The following CADM1 variants were observed in gnomAD, a reference collection of about 807,000 sequenced individuals.
CADM1 encodes cell adhesion molecule 1.
CADM1 carries 15 observed loss-of-function variants against 53.1 expected under a neutral mutation model. That is an observed-to-expected ratio of 0.28 (90% CI 0.19 to 0.44). The LOEUF is 0.44. Among genes scored for constraint, CADM1 ranks in the 20% least tolerant of loss-of-function variants. CADM1 has a pLI of 1.00. For synonymous variants in CADM1, 281 were observed against 243.0 expected, an observed-to-expected ratio of 1.16 and a Z score of -1.45; for missense variants, 434 against 611.3, an observed-to-expected ratio of 0.71 and a Z score of 3.06.
chr11:115,182,279 AT>A (rs1458703413), intron 10 of CADM1, among the ~76,000 whole-genome samples: 1 of 152,200 alleles, frequency 6.6e-6, no homozygotes, highest in Admixed American at 6.5e-5. Context: ...AACATGCCTG[AT>A]GCTCAGGCAT....
intron 1 of CADM1, among the ~76,000 whole-genome samples, chr11:115,316,369 C>T (rs915416681): frequency 6.6e-6 from 1 of 152,074 alleles, no homozygotes; most frequent in African/African-American, 2.4e-5. Context: ...CTGAACAAGG[C>T]TCTGTTCACC....
intron 1 of CADM1, among the ~76,000 whole-genome samples, chr11:115,373,225 G>A (rs1946352226): frequency 6.6e-6 from 1 of 152,168 alleles, no homozygotes; most frequent in Non-Finnish European, 1.5e-5. Flanking sequence ...TTTACTGTCA[G>A]ATGCACAGAC....
chr11:115,275,059 G>A (rs1943406855), intron 1 of CADM1, among the ~76,000 whole-genome samples: 1 of 152,296 alleles, frequency 6.6e-6, no homozygotes, highest in Non-Finnish European at 1.5e-5. Flanking sequence ...GAAAAAATGA[G>A]CATGGAAAAA....
chr11:115,349,154 C>T (rs1328481082), intron 1 of CADM1, among the ~76,000 whole-genome samples: 1 of 152,090 alleles, frequency 6.6e-6, no homozygotes, highest in Non-Finnish European at 1.5e-5. Context: ...TTTCTAAGTT[C>T]AATGTGAGTA....
intron 1 of CADM1, among the ~76,000 whole-genome samples, chr11:115,412,595 T>G (rs912922518): frequency 2.6e-5 from 4 of 152,184 alleles, no homozygotes; most frequent in African/African-American, 9.7e-5. Context: ...GAACTTAGTA[T>G]AAGACAAATT....
chr11:115,460,461 G>T (rs904051922), intron 1 of CADM1, among the ~76,000 whole-genome samples: 11 of 152,124 alleles, frequency 7.2e-5, no homozygotes, highest in Non-Finnish European at 1.3e-4. Flanking sequence ...GTAACCAAGG[G>T]CTATAGAAAT....
At chr11:115,392,214 T>C (rs1354703455) in intron 1 of CADM1, among the ~76,000 whole-genome samples, 1 of 152,168 alleles carries the variant, frequency 6.6e-6, no homozygotes, top group Non-Finnish European at 1.5e-5. Flanking sequence ...TAATTGTTTA[T>C]TTCTTACTCC....
intron 1 of CADM1, among the ~76,000 whole-genome samples, chr11:115,443,691 G>T (rs1948380408): frequency 6.6e-6 from 1 of 152,160 alleles, no homozygotes; most frequent in Admixed American, 6.5e-5. Flanking sequence ...AAAAAGCATT[G>T]AATCAGTCAT....
At chr11:115,244,966 C>T (rs1340590313) in intron 1 of CADM1, among the ~76,000 whole-genome samples, 4 of 152,190 alleles carry the variant, frequency 2.6e-5, no homozygotes, top group African/African-American at 9.7e-5. Flanking sequence ...CTCTCGCCCC[C>T]GCTGCCTGGC....
intron 1 of CADM1, among the ~76,000 whole-genome samples, chr11:115,290,615 T>C (rs1471451852): frequency 2.0e-5 from 3 of 152,064 alleles, no homozygotes; most frequent in African/African-American, 7.2e-5. Context: ...GAAGCCCCAA[T>C]AAAACACCAG....
At chr11:115,501,969 T>C (rs1949736849) in intron 1 of CADM1, among the ~76,000 whole-genome samples, 1 of 152,134 alleles carries the variant, frequency 6.6e-6, no homozygotes. Flanking sequence ...CTACAAATCA[T>C]ACCCAATTAC....
At chr11:115,197,391 G>A (rs574250079) in intron 9 of CADM1, among the ~76,000 whole-genome samples, 21 of 152,250 alleles carry the variant, frequency 1.4e-4, no homozygotes, top group Admixed American at 2.6e-4. Context: ...GATTAAAGTA[G>A]GCCCTTTACC....
chr11:115,495,753 G>C (rs1340782397), intron 1 of CADM1, among the ~76,000 whole-genome samples: 1 of 152,170 alleles, frequency 6.6e-6, no homozygotes, highest in African/African-American at 2.4e-5. Context: ...GGGTTTTAAA[G>C]CACTTCCCTT....
chr11:115,308,132 ACTCTCT>A (rs141588354), intron 1 of CADM1, among the ~76,000 whole-genome samples: 1 of 131,122 alleles, frequency 7.6e-6, no homozygotes, highest in Non-Finnish European at 1.6e-5. Context: ...AAAGACACAA[ACTCTCT>A]CTCTGTGTGT....
intron 1 of CADM1, among the ~76,000 whole-genome samples, chr11:115,363,342 A>G (rs1946079003): frequency 6.6e-6 from 1 of 152,216 alleles, no homozygotes. Flanking sequence ...ATTCTACTGC[A>G]TCATTCAACT....
chr11:115,208,831 T>C (rs1180685498), intron 8 of CADM1, among the ~76,000 whole-genome samples: 1 of 152,108 alleles, frequency 6.6e-6, no homozygotes, highest in Non-Finnish European at 1.5e-5. Flanking sequence ...AGAGAGCCAC[T>C]GGATGCCAGG....
intron 1 of CADM1, among the ~76,000 whole-genome samples, chr11:115,276,176 C>T (rs1008221094): frequency 6.6e-6 from 1 of 152,208 alleles, no homozygotes; most frequent in African/African-American, 2.4e-5. Flanking sequence ...CGCATCTCTA[C>T]AATTCTTCAT....
At chr11:115,491,006 G>A (rs1426631410) in intron 1 of CADM1, among the ~76,000 whole-genome samples, 1 of 152,144 alleles carries the variant, frequency 6.6e-6, no homozygotes. Flanking sequence ...AGATGTCCAA[G>A]AGGCACTTTT....
chr11:115,348,902 G>A (rs1054914642), intron 1 of CADM1, among the ~76,000 whole-genome samples: 28 of 152,230 alleles, frequency 1.8e-4, no homozygotes, highest in African/African-American at 6.0e-4. Context: ...TTGAGAAACC[G>A]TGAGCTAGAC....
Sources: gnomAD v4.1 joint callset for allele counts (sites outside exome capture counted in the v4.1 genomes callset) on GRCh38, gnomAD v4.1.1 for gene constraint, MANE v1.5 for transcripts, NCBI Gene and HGNC (gene_info 2026-07-23, HGNC 2026-07-21) for gene names.